The following CLVS1 variants were observed in gnomAD, a reference collection of about 807,000 sequenced individuals.
The protein encoded by CLVS1 is clavesin 1, also known as clavesin-1.
Under a neutral mutation model 33.1 loss-of-function variants are expected in CLVS1, and 10 were observed. The ratio of observed to expected loss-of-function variants is 0.30; its 90% CI spans 0.19 to 0.51. The LOEUF (loss-of-function observed/expected upper bound fraction) is 0.51. Ranked by LOEUF, CLVS1 falls within the 20% of genes least tolerant of loss-of-function variation. CLVS1 has a pLI of 0.97. For synonymous variants in CLVS1, 163 were observed against 166.1 expected (o/e 0.98, Z 0.14); for missense variants, 343 against 433.4 (o/e 0.79, Z 1.85).
chr8:61,374,303 T>C lies in CLVS1; in HGVS notation c.456-2302T>C, dbSNP rs537303078. On this transcript the variant is annotated intron_variant, in intron 2 of 5. Coordinates refer to ENST00000325897, the MANE Select transcript of CLVS1 (RefSeq NM_173519.3). ...ATCCTCTCCCCTTTTATTATTTAAT[T>C]CTTCCTCCTTCAACCTCAGTGCTGT... Among the ~76,000 whole-genome samples, 24 of 152,316 alleles carry C rather than the reference T, an allele frequency of 1.6e-4. No homozygotes were observed. The South Asian group carries it at 5.0e-3, about 32-fold the overall frequency.
rs1054914922 is a variant in CLVS1, at chr8:61,394,084, C to T, written c.630+17305C>T. 7.2e-5 allele frequency among the ~76,000 whole-genome samples: 11 copies of T among 152,212 alleles called. 1 individual carries two copies. The highest frequency in any genetic ancestry group is 1.9e-4 in the East Asian group (1 of 5,196). On this transcript the variant is annotated intron_variant, in intron 3 of 5. Coordinates refer to ENST00000325897, the MANE Select transcript of CLVS1 (RefSeq NM_173519.3). ...AATGATAGCCTGGCACGGTGGCTCA[C>T]GCCTCTAATCCCAGCACTTTGGGTG...
chr8:61,452,254 G>A (rs1816989635), intron 3 of CLVS1, among the ~76,000 whole-genome samples: 1 of 152,134 alleles, frequency 6.6e-6, no homozygotes, highest in African/African-American at 2.4e-5. Flanking sequence ...TTAATATTTT[G>A]CAACTTTGCC....
At chr8:61,421,373 A>C (rs1055106816) in intron 3 of CLVS1, among the ~76,000 whole-genome samples, 3 of 152,160 alleles carry the variant, frequency 2.0e-5, no homozygotes, top group Admixed American at 6.5e-5. Context: ...GCAACGATAC[A>C]CTAGAGCTAT....
chr8:61,248,963 G>T (rs1396742670), intron 2 of CLVS1, among the ~76,000 whole-genome samples: 1 of 152,228 alleles, frequency 6.6e-6, no homozygotes, highest in South Asian at 2.1e-4. Flanking sequence ...TGTGCAGAAT[G>T]TGCAGTTTTG....
chr8:61,105,120 G>A (rs906749263), intron 1 of CLVS1, among the ~76,000 whole-genome samples: 1 of 152,134 alleles, frequency 6.6e-6, no homozygotes, highest in Non-Finnish European at 1.5e-5. Flanking sequence ...ATGAGCCACT[G>A]CCCCCAGCCA....
upstream of CLVS1, among the ~76,000 whole-genome samples, chr8:61,287,738 C>A (rs940977201): frequency 2.0e-5 from 3 of 152,178 alleles, no homozygotes; most frequent in Non-Finnish European, 4.4e-5. Flanking sequence ...TACACACACA[C>A]ACACAGACAC....
At chr8:61,403,469 T>C (rs1342343590) in intron 3 of CLVS1, among the ~76,000 whole-genome samples, 1 of 152,156 alleles carries the variant, frequency 6.6e-6, no homozygotes, top group Non-Finnish European at 1.5e-5. Flanking sequence ...AGGAAACCAT[T>C]GCAATAAGCT....
chr8:61,435,863 G>A (rs1425313173), intron 3 of CLVS1, among the ~76,000 whole-genome samples: 2 of 152,060 alleles, frequency 1.3e-5, no homozygotes, highest in Non-Finnish European at 2.9e-5. Context: ...GGATTGGCAA[G>A]TTTCATAAAT....
intron 3 of CLVS1, among the ~76,000 whole-genome samples, chr8:61,405,673 A>C (rs1814957570): frequency 6.7e-6 from 1 of 149,904 alleles, no homozygotes; most frequent in African/African-American, 2.5e-5. Flanking sequence ...TGTTTTACTA[A>C]TTTATCAATA....
chr8:61,256,573 CCTA>C (rs571972792), intron 2 of CLVS1, among the ~76,000 whole-genome samples: 1,817 of 151,770 alleles, frequency 0.012, 16 homozygotes, highest in Non-Finnish European at 0.021. Flanking sequence ...TAAAAACTAA[CCTA>C]CTCTTTATCT....
chr8:61,466,205 T>C (rs1019688326), intron 5 of CLVS1, among the ~76,000 whole-genome samples: 4 of 152,222 alleles, frequency 2.6e-5, no homozygotes, highest in African/African-American at 9.6e-5. Context: ...AAAACCCAAA[T>C]GAACTGCTTT....
At chr8:61,442,415 T>C (rs1028820682) in intron 3 of CLVS1, among the ~76,000 whole-genome samples, 1 of 152,222 alleles carries the variant, frequency 6.6e-6, no homozygotes, top group Non-Finnish European at 1.5e-5. Flanking sequence ...TGTACCAGTT[T>C]TTGTGTAAAC....
intron 1 of CLVS1, among the ~76,000 whole-genome samples, chr8:61,122,596 A>G (rs529243323): frequency 2.4e-4 from 37 of 151,830 alleles, no homozygotes; most frequent in Admixed American, 5.9e-4. Context: ...ACACACACAC[A>G]CACACACACA....
chr8:61,297,433 C>T (rs1810255645), intron 1 of CLVS1, among the ~76,000 whole-genome samples: 1 of 152,076 alleles, frequency 6.6e-6, no homozygotes, highest in South Asian at 2.1e-4. Flanking sequence ...AAGTGATTGC[C>T]TGATAGTGGG....
At chr8:61,026,766 A>G in the CLVS1 span, among the ~76,000 whole-genome samples, 3 of 152,360 alleles carry the variant, frequency 2.0e-5, no homozygotes, top group South Asian at 2.1e-4. Flanking sequence ...CTTGAAGAAC[A>G]TAGGGTTTTG....
At chr8:61,283,146 A>G (rs1200279274), upstream of CLVS1, among the ~76,000 whole-genome samples, 3 of 152,212 alleles carry the variant, frequency 2.0e-5, no homozygotes, top group East Asian at 3.9e-4. Context: ...TCCAACTTCC[A>G]TGCTCCTTCC....
intron 4 of CLVS1, among the ~76,000 whole-genome samples, chr8:61,456,420 A>T (rs1817160414): frequency 6.6e-6 from 1 of 152,240 alleles, no homozygotes; most frequent in South Asian, 2.1e-4. Flanking sequence ...AATTCTTATT[A>T]AAATTCAGTC....
chr8:61,234,351 C>T (rs983889921), intron 2 of CLVS1, among the ~76,000 whole-genome samples: 1 of 152,150 alleles, frequency 6.6e-6, no homozygotes, highest in Non-Finnish European at 1.5e-5. Context: ...GCTGTATCCC[C>T]TTGATACATT....
chr8:61,009,101 C>A, the CLVS1 span, among the ~76,000 whole-genome samples: 76 of 152,118 alleles, frequency 5.0e-4, 1 homozygote, highest in East Asian at 0.013. Flanking sequence ...GTTACACATA[C>A]CATTAGTATA....
Sources: gnomAD v4.1 joint callset for allele counts (sites outside exome capture counted in the v4.1 genomes callset) on GRCh38, gnomAD v4.1.1 for gene constraint, MANE v1.5 for transcripts, NCBI Gene and HGNC (gene_info 2026-07-23, HGNC 2026-07-21) for gene names.